Variants in CSMD1 observed in about 807,000 individuals in gnomAD.
CSMD1 encodes the protein CUB and sushi domain-containing protein 1.
A neutral mutation model predicts 417.5 loss-of-function variants in CSMD1; 213 were observed. That is an observed-to-expected ratio of 0.51 (90% CI 0.46 to 0.57). The LOEUF is 0.57. Ranked by LOEUF, CSMD1 falls within the 20% of genes least tolerant of loss-of-function variation. CSMD1 has a pLI of 0.00. For missense variants in CSMD1, 6,923 were observed against 4,529.7 expected, an observed-to-expected ratio of 1.53 and a Z score of -15.17; for synonymous variants, 2,862 against 1,736.8, an observed-to-expected ratio of 1.65 and a Z score of -16.11.
intron 3 of CSMD1, among the ~76,000 whole-genome samples, chr8:4,157,986 C>G (rs953360555): frequency 6.6e-6 from 1 of 152,162 alleles, no homozygotes; most frequent in Non-Finnish European, 1.5e-5. Flanking sequence ...CCAACTGTTG[C>G]TAGGACCCTT....
intron 2 of CSMD1, among the ~76,000 whole-genome samples, chr8:4,572,463 G>GT (rs1239984925): frequency 2.6e-5 from 4 of 152,190 alleles, no homozygotes; most frequent in African/African-American, 9.7e-5. Context: ...CTTCTGGCTA[G>GT]TAGGGTTTCT....
chr8:3,295,038 ACT>A (rs1365462085), intron 25 of CSMD1, among the ~76,000 whole-genome samples: 1 of 151,850 alleles, frequency 6.6e-6, no homozygotes, highest in South Asian at 2.1e-4. Context: ...ATATTGTACT[ACT>A]CTGTGTGTTT....
At chr8:3,300,076 G>C (rs79661380) in intron 25 of CSMD1, among the ~76,000 whole-genome samples, 3,535 of 152,146 alleles carry the variant, frequency 0.023, 96 homozygotes, top group East Asian at 0.079. Flanking sequence ...ATTCCAAAAG[G>C]GTGTAGTTTA....
chr8:3,645,328 C>T (rs1395618927), intron 7 of CSMD1, among the ~76,000 whole-genome samples: 1 of 152,208 alleles, frequency 6.6e-6, no homozygotes, highest in African/African-American at 2.4e-5. Context: ...GCAATTAAAA[C>T]CTTCTGAGCA....
intron 3 of CSMD1, among the ~76,000 whole-genome samples, chr8:4,415,921 G>C (rs1197950101): frequency 2.7e-4 from 41 of 152,100 alleles, no homozygotes; most frequent in Admixed American, 2.6e-3. Flanking sequence ...ACAGACATGT[G>C]GATAATTTCT....
intron 12 of CSMD1, among the ~76,000 whole-genome samples, chr8:3,460,771 G>A (rs879550077): frequency 8.5e-5 from 13 of 152,144 alleles, no homozygotes; most frequent in Non-Finnish European, 1.5e-4. Context: ...AAAGAATATA[G>A]GGAGATTATT....
At chr8:4,478,568 T>G (rs894682537) in intron 2 of CSMD1, among the ~76,000 whole-genome samples, 2 of 152,214 alleles carry the variant, frequency 1.3e-5, no homozygotes, top group Admixed American at 6.5e-5. Context: ...ATATTGATGA[T>G]AGTAAACGAC....
intron 47 of CSMD1, among the ~76,000 whole-genome samples, chr8:3,092,770 A>G (rs138638772): frequency 3.3e-5 from 5 of 152,294 alleles, no homozygotes; most frequent in African/African-American, 1.2e-4. Context: ...GCTTCATGGC[A>G]CTGGGGCTTG....
chr8:4,101,293 G>A (rs1312288923), intron 3 of CSMD1, among the ~76,000 whole-genome samples: 7 of 152,162 alleles, frequency 4.6e-5, no homozygotes, highest in South Asian at 2.1e-4. Context: ...AAACTCCCAT[G>A]TTAAAGAGTT....
At chr8:3,296,093 T>C (rs967856130) in intron 25 of CSMD1, among the ~76,000 whole-genome samples, 4 of 151,850 alleles carry the variant, frequency 2.6e-5, no homozygotes, top group Non-Finnish European at 4.4e-5. Flanking sequence ...AGGTGGTAAA[T>C]GCAATTGAAG....
At chr8:4,636,345 G>A (rs561957771) in intron 2 of CSMD1, among the ~76,000 whole-genome samples, 2 of 152,210 alleles carry the variant, frequency 1.3e-5, no homozygotes, top group Admixed American at 6.5e-5. Context: ...ACCAGGAAAT[G>A]TTTTGCTTTC....
chr8:4,117,542 A>C (rs1199002194), intron 3 of CSMD1, among the ~76,000 whole-genome samples: 1 of 152,142 alleles, frequency 6.6e-6, no homozygotes, highest in Admixed American at 6.5e-5. Context: ...TATAATACTC[A>C]CTGATTGTGA....
At chr8:3,602,716 T>TACACACACACAC (rs34593924) in intron 8 of CSMD1, among the ~76,000 whole-genome samples, 3 of 146,612 alleles carry the variant, frequency 2.0e-5, no homozygotes, top group Admixed American at 6.8e-5. Context: ...CAGGAAGAAT[T>TACACACACACAC]ACACACACAC....
chr8:4,382,620 C>T (rs4875101), intron 3 of CSMD1, among the ~76,000 whole-genome samples: 1 of 151,996 alleles, frequency 6.6e-6, no homozygotes, highest in Non-Finnish European at 1.5e-5. Context: ...AAAGGTCATA[C>T]ATATAATTGC....
At chr8:3,987,148 A>G (rs1814393270) in intron 5 of CSMD1, among the ~76,000 whole-genome samples, 1 of 152,146 alleles carries the variant, frequency 6.6e-6, no homozygotes, top group African/African-American at 2.4e-5. Flanking sequence ...CGTCTATCCG[A>G]GTTCTATGGG....
At chr8:4,156,852 T>C (rs933986683) in intron 3 of CSMD1, among the ~76,000 whole-genome samples, 1 of 152,066 alleles carries the variant, frequency 6.6e-6, no homozygotes, top group African/African-American at 2.4e-5. Context: ...GGAGGCTTTT[T>C]AATTTATCTG....
chr8:4,827,946 A>G (rs1011371024), intron 1 of CSMD1, among the ~76,000 whole-genome samples: 13 of 152,210 alleles, frequency 8.5e-5, no homozygotes, highest in Non-Finnish European at 1.0e-4. Context: ...ATGAGTTTCA[A>G]AAGTATGCTG....
intron 10 of CSMD1, among the ~76,000 whole-genome samples, chr8:3,548,760 G>C (rs1047898436): frequency 2.0e-5 from 3 of 151,286 alleles, no homozygotes; most frequent in Non-Finnish European, 2.9e-5. Context: ...TAAAGAGTAA[G>C]CCCGGCCAAG....
chr8:3,428,211 T>G (rs1246510855), intron 12 of CSMD1, among the ~76,000 whole-genome samples: 1 of 152,166 alleles, frequency 6.6e-6, no homozygotes, highest in African/African-American at 2.4e-5. Flanking sequence ...CTACGTAGAA[T>G]GAATTTCCTT....
Sources: allele counts gnomAD v4.1 joint callset (sites outside exome capture counted in the v4.1 genomes callset), GRCh38; gene constraint gnomAD v4.1.1; transcripts MANE v1.5; gene names NCBI Gene and HGNC (gene_info 2026-07-23, HGNC 2026-07-21).